STRA8: variants seen among roughly 807,000 people sequenced by gnomAD.
The protein encoded by STRA8 is stimulated by retinoic acid gene 8 protein homolog.
Under a neutral mutation model 37.1 loss-of-function variants are expected in STRA8, and 18 were observed. The ratio of observed to expected loss-of-function variants is 0.48; its 90% CI spans 0.34 to 0.72. STRA8 has a LOEUF of 0.72. Ranked by LOEUF, STRA8 falls within the 30% of genes least tolerant of loss-of-function variation. STRA8 has a pLI of 0.01. For synonymous variants in STRA8, 168 were observed against 162.9 expected (o/e 1.03, Z -0.24); for missense variants, 357 against 410.4 (o/e 0.87, Z 1.13).
chr7:135,239,567 G>A lies in STRA8; in HGVS notation c.-6-952G>A, dbSNP rs929388812. Among the ~76,000 whole-genome samples, 20 of 152,176 alleles carry A rather than the reference G, an allele frequency of 1.3e-4. 1 individual carries two copies. In the South Asian group the frequency reaches 2.7e-3, roughly 20 times the overall value. On this transcript the variant is annotated intron_variant, in intron 1 of 8. Coordinates refer to ENST00000662584, the MANE Select transcript of STRA8 (RefSeq NM_001394401.1). ...CTGAGGGTACAGAAGTGACGAAGTC[G>A]CAGCCTCCCTGTCCAAAGAGCAGAC... is the stretch of plus-strand genomic sequence containing the variant.
upstream of STRA8, chr7:135,232,005 C>G: frequency 6.2e-7 from 1 of 1,614,058 alleles, no homozygotes; most frequent in Non-Finnish European, 8.5e-7. Flanking sequence ...TGGACAAGAT[C>G]CTCTTTTTCA....
rs1832638826 is a variant in STRA8 at position 135,251,857 on chromosome 7, C to T, written c.941C>T (p.Thr314Ile). 6 of 1,614,092 alleles carry T rather than the reference C, an allele frequency of 3.7e-6. No individual in the cohort carries two copies. Among genetic ancestry groups the T allele is most frequent in the Non-Finnish European group, 5.1e-6 (6 of 1,180,008 alleles). ...CTGGACAAAAGTGAGGTTCCGAGTA[C>T]ATCTAGCTCCAGGTGAGGAAGAGGG... ...SFLDKSEVPS[T>I]SSSSSVLASC... is the part of the protein sequence containing the mutation. Residue 314 changes from threonine to isoleucine, a missense_variant, in exon 7 of 9, where the codon ACA becomes ATA. Coordinates refer to ENST00000662584, the MANE Select transcript of STRA8 (RefSeq NM_001394401.1).
chr7:135,252,110 C>T (rs1832646382), intron 7 of STRA8, among the ~76,000 whole-genome samples: 1 of 150,670 alleles, frequency 6.6e-6, no homozygotes, highest in African/African-American at 2.4e-5. Context: ...TGTATTAGTC[C>T]ATTCTCACAC....
chr7:135,236,224 C>A (rs1428305670), intron 1 of STRA8, among the ~76,000 whole-genome samples: 3 of 151,858 alleles, frequency 2.0e-5, no homozygotes, highest in African/African-American at 7.3e-5. Flanking sequence ...CATTTAAGAC[C>A]AGCCTGGGCA....
chr7:135,242,728 T>G, intron 2 of STRA8, 53 bp from the exon 3 acceptor site: 1 of 1,575,600 alleles, frequency 6.3e-7, no homozygotes, highest in Non-Finnish European at 8.7e-7. Context: ...GTCCACAAAA[T>G]CAGTCTCTGC....
chr7:135,243,426 C>A lies in STRA8; in HGVS notation c.353+16C>A, dbSNP rs751500616. 3 of 1,613,022 alleles carry A rather than the reference C, an allele frequency of 1.9e-6. No homozygotes were observed. The highest frequency in any genetic ancestry group is 8.5e-7 in the Non-Finnish European group (1 of 1,179,182). On this transcript the variant is annotated intron_variant, in intron 4 of 8. Transcript: ENST00000662584. Reference sequence around the variant, plus strand: ...GAAATGACAGGTAAGACACCACAAACCCCAGGAAGCTGGGGACCTGCTGTG... The same window carrying A: ...GAAATGACAGGTAAGACACCACAAAACCCAGGAAGCTGGGGACCTGCTGTG...
At position 135,249,481 on chromosome 7, in the gene STRA8, G is replaced by C. The variant is rs372599337; in HGVS notation, c.880-2315G>C. 5.9e-5 allele frequency among the ~76,000 whole-genome samples: 9 copies of C among 152,304 alleles called. No individual in the cohort carries two copies. The East Asian group carries it at 1.7e-3, about 29-fold the overall frequency. On this transcript the variant is annotated intron_variant, in intron 6 of 8. Coordinates refer to ENST00000662584, the MANE Select transcript of STRA8 (RefSeq NM_001394401.1). Reference sequence around the variant, plus strand: ...TGCCTGTAACCCCAGCTACTCTGGAGGCTGAGGCAGGATAATCGCTTGAAC... The same window carrying C: ...TGCCTGTAACCCCAGCTACTCTGGACGCTGAGGCAGGATAATCGCTTGAAC...
chr7:135,242,305 T>G (rs534606236), intron 2 of STRA8, among the ~76,000 whole-genome samples: 1 of 152,156 alleles, frequency 6.6e-6, no homozygotes, highest in South Asian at 2.1e-4. Flanking sequence ...TTGATAAGTT[T>G]TTAGATCATC....
chr7:135,256,668 G>T (rs1265402276), intron 8 of STRA8, among the ~76,000 whole-genome samples: 1 of 152,154 alleles, frequency 6.6e-6, no homozygotes, highest in Non-Finnish European at 1.5e-5. Flanking sequence ...AGCTGGGTGT[G>T]GTGGTACATG....
In STRA8 at chr7:135,247,039, G is replaced by A. The variant is rs530171176; in HGVS notation, c.879+337G>A. 6.0e-5 allele frequency: 15 copies of A among 251,042 alleles called. 1 individual carries two copies. In the South Asian group the frequency reaches 9.1e-4, roughly 15 times the overall value. The allele number at this position is 251,042 out of a possible 1,614,324, so 15.6% of individuals were successfully genotyped here. A position where few individuals can be genotyped will look rare whatever the true frequency, so the allele number is the denominator to read the frequency against. On this transcript the variant is annotated intron_variant, in intron 6 of 8. Transcript: ENST00000662584. ...TTTTTGTATTTTTAGTAGAGACGGG[G>A]TTTCACTGTGTTAGCCAGGATGGTC...
chr7:135,246,333 G>C lies in STRA8; in HGVS notation c.594-84G>C. ...CGTGGCGCCGTGGCCGGGCCTGCGT[G>C]CTGGGGTCCACACCATGAACCGAAT... On this transcript the variant is annotated intron_variant, in intron 5 of 8. Transcript: ENST00000662584. This position sits in a 1 kb window ranked among gnomAD's most constrained non-coding sequence, Gnocchi z 5.4. 2.0e-6 allele frequency: 3 copies of C among 1,537,734 alleles called. No homozygotes were observed. The South Asian group carries it at 3.6e-5, about 18-fold the overall frequency.
Position 135,246,631 on chromosome 7 carries a change from G to A in STRA8, c.808G>A (p.Glu270Lys). ...AEACREPACA[E>K]GSVKDSGVDS... is the part of the protein sequence containing the mutation. ...GGCCTGCCGAGAGCCGGCCTGTGCC[G>A]AGGGCAGCGTGAAGGACAGCGGCGT... The change falls in exon 6 of 9, where the codon GAG (glutamate) becomes AAG (lysine). Residue 270 changes from glutamate (E) to lysine (K), a missense_variant. Glu to Lys is a moderately conservative substitution (Grantham distance 56, BLOSUM62 1). Coordinates refer to ENST00000662584, the MANE Select transcript of STRA8 (RefSeq NM_001394401.1). The surrounding 1 kb of genome is among the most constrained non-coding windows in gnomAD (Gnocchi z 5.4). 1.3e-6 allele frequency: 2 copies of A among 1,539,826 alleles called. No homozygotes were observed. The highest frequency in any genetic ancestry group is 1.7e-6 in the Non-Finnish European group (2 of 1,146,084).
At chr7:135,233,740 A>G (rs1832325627), upstream of STRA8, among the ~76,000 whole-genome samples, 2 of 150,574 alleles carry the variant, frequency 1.3e-5, no homozygotes, top group Admixed American at 6.6e-5. Context: ...ACGCATCCCC[A>G]TTGGCTGTGG....
intron 8 of STRA8, among the ~76,000 whole-genome samples, chr7:135,257,730 A>C (rs944022084): frequency 6.6e-6 from 1 of 152,228 alleles, no homozygotes; most frequent in Non-Finnish European, 1.5e-5. Flanking sequence ...GACCAGCTGC[A>C]GTGCTGCTGC....
intron 8 of STRA8, among the ~76,000 whole-genome samples, chr7:135,257,581 T>C (rs67633646): frequency 0.38 from 57,950 of 151,742 alleles, 12,746 homozygotes; most frequent in African/African-American, 0.61. Context: ...CACACCACCA[T>C]GCCCAGCTAA....
intron 5 of STRA8, among the ~76,000 whole-genome samples, 177 bp downstream of exon 5, chr7:135,245,704 A>T (rs1217211724): frequency 1.3e-5 from 2 of 152,180 alleles, no homozygotes; most frequent in Admixed American, 1.3e-4. Context: ...GGGCTGAGGG[A>T]CAGGACTGGC....
At chr7:135,242,887 C>A in intron 3 of STRA8, 31 bp downstream of exon 3, 4 of 1,605,694 alleles carry the variant, frequency 2.5e-6, no homozygotes, top group Non-Finnish European at 3.4e-6. Flanking sequence ...AACCCCATCT[C>A]CCTCCCTGGA....
chr7:135,236,278 A>G (rs76366254), intron 1 of STRA8, among the ~76,000 whole-genome samples: 33 of 138,022 alleles, frequency 2.4e-4, no homozygotes, highest in East Asian at 1.8e-3. Flanking sequence ...GTGTGTGTGT[A>G]TGTGTGTGTG....
upstream of STRA8, among the ~76,000 whole-genome samples, chr7:135,233,067 T>C (rs977187299): frequency 6.6e-6 from 1 of 152,214 alleles, no homozygotes; most frequent in African/African-American, 2.4e-5. Context: ...AGTGGGATCA[T>C]GAGCATCACG....
Sources: gnomAD v4.1 joint callset for allele counts (sites outside exome capture counted in the v4.1 genomes callset) on GRCh38, gnomAD v4.1.1 for gene constraint, Gnocchi (gnomAD v3.1) non-coding constraint, MANE v1.5 for transcripts, NCBI Gene and HGNC (gene_info 2026-07-23, HGNC 2026-07-21) for gene names.